The following MYOZ3 variants were observed in gnomAD, a reference collection of about 807,000 sequenced individuals.
The protein encoded by MYOZ3 is myozenin 3.
A neutral mutation model predicts 26.5 loss-of-function variants in MYOZ3; 19 were observed. That is an observed-to-expected ratio of 0.72 (90% CI 0.50 to 1.05). MYOZ3 has a LOEUF of 1.05. Among genes scored for constraint, MYOZ3 ranks in the 50% least tolerant of loss-of-function variants. The pLI is 0.00. For missense variants in MYOZ3, 322 were observed against 337.1 expected (o/e 0.96, Z 0.35); for synonymous variants, 135 against 138.8 (o/e 0.97, Z 0.19).
At chr5:150,663,993 TAAA>T (rs1183750404) in intron 2 of MYOZ3, among the ~76,000 whole-genome samples, 1 of 129,696 alleles carries the variant, frequency 7.7e-6, no homozygotes. Flanking sequence ...ACTCTGTCTC[TAAA>T]AAAAAAAAAA....
intron 2 of MYOZ3, among the ~76,000 whole-genome samples, chr5:150,668,877 C>T (rs10077579): frequency 0.14 from 21,564 of 152,190 alleles, 2,885 homozygotes; most frequent in African/African-American, 0.36. Context: ...ATAAATGTAA[C>T]GTTCTTCATT....
intron 6 of MYOZ3, chr5:150,672,856 G>A (rs1480173612): frequency 4.1e-6 from 1 of 245,730 alleles, no homozygotes; most frequent in Non-Finnish European, 7.7e-6. Context: ...CGGGATTCAG[G>A]TCTGGGTTTG....
intron 6 of MYOZ3, chr5:150,672,714 CA>C: frequency 1.8e-6 from 1 of 563,088 alleles, no homozygotes; most frequent in Non-Finnish European, 3.1e-6. Context: ...GAAGGTGCCG[CA>C]CATCTTGGAT....
intron 6 of MYOZ3, among the ~76,000 whole-genome samples, chr5:150,676,195 G>A (rs111307414): frequency 1.3e-5 from 2 of 151,936 alleles, no homozygotes; most frequent in Admixed American, 1.3e-4. Context: ...GCTAAGCAAC[G>A]AACCACCCAA....
chr5:150,671,868 C>T lies in MYOZ3; in HGVS notation c.384C>T (p.Ala128=), dbSNP rs111772094. ...CCGAGGGCGCCCACCCTGCAGCCGC[C>T]CCTGCTGGGTGCGTCCCCAGCCCCA... The part of the protein sequence containing the change: ...GGPEGAHPAA[A]PAGCVPSPSA... The change falls in exon 5 of 7, where the codon GCC becomes GCT. Residue 128 remains alanine (A), a synonymous_variant. Coordinates refer to ENST00000517768, the MANE Select transcript of MYOZ3 (RefSeq NM_001122853.3). 26 of 1,592,984 alleles carry T rather than the reference C, an allele frequency of 1.6e-5. No individual in the cohort carries two copies. The Admixed American group carries it at 4.5e-4, about 28-fold the overall frequency.
At position 150,676,847 on chromosome 5, in the gene MYOZ3, G is replaced by A. The variant is rs201238679; in HGVS notation, c.728G>A (p.Arg243His). The A allele has an allele frequency of 7.4e-6, 12 of 1,612,668 alleles. No homozygotes were observed. Among genetic ancestry groups the A allele is most frequent in the Admixed American group, 5.0e-5 (3 of 59,974 alleles). Residue 243 changes from arginine (R) to histidine (H), a missense_variant, in exon 7 of 7, where the codon CGT becomes CAT. By Grantham distance (29) the Arg-to-His change is conservative. Transcript: ENST00000517768. ...AACAGAGTGGCCCAGGGCTGGGTCCGTAACCTCCCAGAGTCCGAGGAGCTG... is the reference window on the plus strand; with the variant it reads ...AACAGAGTGGCCCAGGGCTGGGTCCATAACCTCCCAGAGTCCGAGGAGCTG... The part of the protein sequence containing the change: ...SFNRVAQGWV[R>H]NLPESEEL
intron 3 of MYOZ3, 85 bp from the exon 4 acceptor site, chr5:150,671,512 C>G: frequency 6.9e-7 from 1 of 1,455,108 alleles, no homozygotes; most frequent in Non-Finnish European, 9.5e-7. Flanking sequence ...TGCCTCCCCC[C>G]GACCTTTTTT....
Position 150,671,849 on chromosome 5 carries a change from G to A in MYOZ3, c.365G>A (p.Gly122Asp), listed in dbSNP as rs1758919802. 6.2e-7 allele frequency: 1 copy of A among 1,605,926 alleles called. No individual in the cohort carries two copies. Among genetic ancestry groups the A allele is most frequent in the Admixed American group, 1.7e-5 (1 of 59,402 alleles). The change falls in exon 5 of 7, where the codon GGC (glycine) becomes GAC (aspartate). Residue 122 changes from glycine (G) to aspartate (D), a missense_variant. Gly to Asp is a moderately conservative substitution (Grantham distance 94, BLOSUM62 -1). Transcript: ENST00000517768. ...GGGGCCTCACTCGGGGGTCCCGAGG[G>A]CGCCCACCCTGCAGCCGCCCCTGCT... ...SPGASLGGPE[G>D]AHPAAAPAGC... is the part of the protein sequence containing the mutation.
intron 1 of MYOZ3, 94 bp downstream of exon 1, chr5:150,661,521 C>T (rs1481984688): frequency 6.6e-6 from 1 of 152,184 alleles, no homozygotes; most frequent in Non-Finnish European, 1.5e-5. Context: ...GAGGAAGGGC[C>T]CTGCAGTGGA....
chr5:150,671,248 G>A (rs1758904550), intron 3 of MYOZ3, among the ~76,000 whole-genome samples: 1 of 152,170 alleles, frequency 6.6e-6, no homozygotes, highest in Non-Finnish European at 1.5e-5. Flanking sequence ...ATGTGCCTAA[G>A]ACAATGCTAG....
intron 2 of MYOZ3, 122 bp from the exon 3 acceptor site, chr5:150,670,362 G>T: frequency 9.0e-7 from 1 of 1,110,286 alleles, no homozygotes; most frequent in Non-Finnish European, 1.2e-6. Context: ...CATGACACCC[G>T]GTGTCGGCAA....
chr5:150,669,496 A>C (rs936415991), intron 2 of MYOZ3, among the ~76,000 whole-genome samples: 3 of 152,134 alleles, frequency 2.0e-5, no homozygotes, highest in African/African-American at 7.2e-5. Flanking sequence ...CCTCATAGGA[A>C]TATAGTCATT....
At position 150,671,668 on chromosome 5, in the gene MYOZ3, C is replaced by G. The variant is rs757967549; in HGVS notation, c.270+18C>G. ...CGGGGACGGTGAGCGTGGAGGGGAG[C>G]TCCCTGGAAGGGAAGCTGGGGGAAG... On this transcript the variant is annotated intron_variant, in intron 4 of 6. Transcript: ENST00000517768. 3.1e-6 allele frequency: 5 copies of G among 1,613,710 alleles called. No individual in the cohort carries two copies. The Admixed American group carries it at 8.3e-5, about 27-fold the overall frequency.
rs1227875226 is a variant in MYOZ3, at chr5:150,671,790, C to T, written c.306C>T (p.Tyr102=). ...ANANGPEGPN[Y]RSELHIFPAS... ...CCAATGGCCCTGAGGGGCCGAACTA[C>T]CGCTCGGAGCTCCACATCTTCCCGG... is the stretch of plus-strand genomic sequence containing the variant. The change falls in exon 5 of 7, where the codon TAC becomes TAT. Residue 102 remains tyrosine (Y), a synonymous_variant. Transcript: ENST00000517768. 6 of 1,613,134 alleles carry T rather than the reference C, an allele frequency of 3.7e-6. No individual in the cohort carries two copies. The South Asian group carries it at 6.6e-5, about 18-fold the overall frequency.
chr5:150,670,750 T>C, intron 3 of MYOZ3, 112 bp downstream of exon 3: 1 of 1,037,584 alleles, frequency 9.6e-7, no homozygotes, highest in Non-Finnish European at 1.4e-6. Flanking sequence ...CCCATCAGAT[T>C]AGGCTCCTGC....
chr5:150,671,932 G>A (rs1363423862), intron 5 of MYOZ3, 24 bp downstream of exon 5: 1 of 1,502,054 alleles, frequency 6.7e-7, no homozygotes, highest in Admixed American at 2.2e-5. Context: ...TCGGGTCCCG[G>A]GACCAGGGCT....
At chr5:150,665,073 T>G (rs1043862739) in intron 2 of MYOZ3, among the ~76,000 whole-genome samples, 15 of 152,090 alleles carry the variant, frequency 9.9e-5, no homozygotes, top group African/African-American at 3.1e-4. Context: ...ATCTCACGCC[T>G]TCCTTCCCCG....
chr5:150,667,631 T>TACAAACAA (rs139735703), intron 2 of MYOZ3, among the ~76,000 whole-genome samples: 19,420 of 151,942 alleles, frequency 0.13, 2,194 homozygotes, highest in African/African-American at 0.31. Flanking sequence ...TCTCCATTTT[T>TACAAACAA]ACAAACAAAC....
intron 2 of MYOZ3, among the ~76,000 whole-genome samples, chr5:150,669,419 C>T (rs1490604097): frequency 6.6e-6 from 1 of 150,450 alleles, no homozygotes; most frequent in Non-Finnish European, 1.5e-5. Context: ...TGCACTCCAG[C>T]CTGGGTGACA....
Sources: gnomAD v4.1 joint callset for allele counts (sites outside exome capture counted in the v4.1 genomes callset) on GRCh38, gnomAD v4.1.1 for gene constraint, MANE v1.5 for transcripts, NCBI Gene and HGNC (gene_info 2026-07-23, HGNC 2026-07-21) for gene names.